UST: variants seen among roughly 807,000 people sequenced by gnomAD.
The protein encoded by UST is uronyl 2-sulfotransferase.
UST carries 21 observed loss-of-function variants against 45.6 expected under a neutral mutation model. The ratio of observed to expected loss-of-function variants is 0.46; its 90% CI spans 0.33 to 0.66. The LOEUF is 0.66. Among genes scored for constraint, UST ranks in the 30% least tolerant of loss-of-function variants. The pLI is 0.02. For missense variants in UST, 463 were observed against 512.4 expected (o/e 0.90, Z 0.93); for synonymous variants, 215 against 200.6 (o/e 1.07, Z -0.61).
chr6:148,811,373 C>T (rs987738810), intron 1 of UST, among the ~76,000 whole-genome samples: 1 of 152,204 alleles, frequency 6.6e-6, no homozygotes, highest in Non-Finnish European at 1.5e-5. Flanking sequence ...CTTCTCTGCA[C>T]ACCACAGCAA....
At chr6:148,857,315 C>T (rs1438309137) in intron 1 of UST, among the ~76,000 whole-genome samples, 2 of 152,126 alleles carry the variant, frequency 1.3e-5, no homozygotes, top group Non-Finnish European at 2.9e-5. Context: ...CATGACTATA[C>T]GGTTTCCCAC....
intron 5 of UST, among the ~76,000 whole-genome samples, chr6:148,980,654 A>G (rs1456694949): frequency 6.6e-6 from 1 of 152,066 alleles, no homozygotes; most frequent in African/African-American, 2.4e-5. Context: ...ATCTTTCAGA[A>G]AAAGCTCATC....
intron 1 of UST, among the ~76,000 whole-genome samples, chr6:148,774,693 T>A (rs1776497029): frequency 6.6e-6 from 1 of 152,208 alleles, no homozygotes; most frequent in African/African-American, 2.4e-5. Flanking sequence ...CTTTTCAGCA[T>A]TTTTTAGAGG....
chr6:148,927,444 G>T (rs575664072), intron 2 of UST, among the ~76,000 whole-genome samples: 159 of 152,232 alleles, frequency 1.0e-3, no homozygotes, highest in Middle Eastern at 3.4e-3. Context: ...TTTTCCATGA[G>T]AAGAAAAAAT....
intron 1 of UST, among the ~76,000 whole-genome samples, chr6:148,785,926 T>C (rs1292277628): frequency 6.6e-6 from 1 of 152,210 alleles, no homozygotes; most frequent in Non-Finnish European, 1.5e-5. Flanking sequence ...AGAAGTAGAA[T>C]TATAGAATTT....
At chr6:148,951,910 A>T (rs190859791) in intron 3 of UST, among the ~76,000 whole-genome samples, 35 of 152,350 alleles carry the variant, frequency 2.3e-4, no homozygotes, top group Admixed American at 7.2e-4. Flanking sequence ...CTGTTCTCAA[A>T]ATCTAACTAC....
chr6:148,751,421 T>C (rs972774175), intron 1 of UST, among the ~76,000 whole-genome samples: 1 of 152,070 alleles, frequency 6.6e-6, no homozygotes, highest in Non-Finnish European at 1.5e-5. Context: ...CCGGAAAGCA[T>C]AGTGTGGGGA....
chr6:148,917,602 G>A (rs1313232206), intron 2 of UST, among the ~76,000 whole-genome samples: 4 of 152,196 alleles, frequency 2.6e-5, no homozygotes, highest in African/African-American at 9.7e-5. Flanking sequence ...GTGACTCTAA[G>A]TTACAGGCCA....
intron 7 of UST, among the ~76,000 whole-genome samples, chr6:149,042,693 C>T (rs1250532476): frequency 6.6e-6 from 1 of 152,230 alleles, no homozygotes; most frequent in Non-Finnish European, 1.5e-5. Flanking sequence ...ACAAACTATG[C>T]CGTTCCTACA....
chr6:149,051,224 C>T (rs548602914), intron 7 of UST, among the ~76,000 whole-genome samples: 22 of 152,296 alleles, frequency 1.4e-4, no homozygotes, highest in Non-Finnish European at 2.6e-4. Flanking sequence ...ATAGTCATTG[C>T]GATCTCAATT....
At chr6:148,824,911 T>C (rs536296939) in intron 1 of UST, among the ~76,000 whole-genome samples, 5 of 139,194 alleles carry the variant, frequency 3.6e-5, no homozygotes, top group Admixed American at 7.4e-5. Context: ...TTCCCACCTA[T>C]GAGTGAGAAT....
intron 1 of UST, among the ~76,000 whole-genome samples, chr6:148,752,995 C>T (rs1460126609): frequency 6.6e-6 from 1 of 152,014 alleles, no homozygotes; most frequent in Non-Finnish European, 1.5e-5. Context: ...TACATAAATC[C>T]CTTTTTATCA....
At chr6:148,983,139 G>A (rs1283849756) in intron 5 of UST, among the ~76,000 whole-genome samples, 6 of 152,090 alleles carry the variant, frequency 3.9e-5, no homozygotes, top group South Asian at 2.1e-4. Context: ...AGGGCTTTTC[G>A]CTTTAAAAAA....
rs562911706 is a variant in UST at position 148,777,280 on chromosome 6, A to T, written c.247+29603A>T. Among the ~76,000 whole-genome samples, 4 of 152,346 alleles carry T rather than the reference A, an allele frequency of 2.6e-5. No individual in the cohort carries two copies. The East Asian group carries it at 5.8e-4, about 22-fold the overall frequency. On this transcript the variant is annotated intron_variant, in intron 1 of 7. Transcript: ENST00000367463. ...TTTTCAGTTGTGTTCTACATAAGCA[A>T]GCCTGATGGATGACTCTGAATAAGT...
rs182464392 is a variant in UST, at chr6:148,871,162, C to T, written c.248-15824C>T. 2.1e-4 allele frequency among the ~76,000 whole-genome samples: 32 copies of T among 151,706 alleles called. No homozygotes were observed. The East Asian group carries it at 4.3e-3, about 20-fold the overall frequency. On this transcript the variant is annotated intron_variant, in intron 1 of 7. Coordinates refer to ENST00000367463, the MANE Select transcript of UST (RefSeq NM_005715.3). The stretch of plus-strand genomic sequence containing the variant: ...TCTCTCTCTCCCTCTCTCCCTCTCT[C>T]TCTCTGTCCTTCTCTCTCTCTGTCC...
intron 1 of UST, among the ~76,000 whole-genome samples, chr6:148,817,266 G>A (rs1437287633): frequency 2.6e-5 from 4 of 152,216 alleles, no homozygotes; most frequent in Non-Finnish European, 5.9e-5. Context: ...GCCAAATCTA[G>A]CCCTTCTTTT....
intron 1 of UST, among the ~76,000 whole-genome samples, chr6:148,871,728 A>G (rs138185156): frequency 4.6e-5 from 7 of 152,316 alleles, no homozygotes; most frequent in African/African-American, 1.4e-4. Flanking sequence ...AGTTCTCTCA[A>G]TGAGGATATA....
intron 7 of UST, among the ~76,000 whole-genome samples, chr6:149,049,927 T>TCACACACA (rs1393383569): frequency 6.9e-5 from 9 of 130,618 alleles, no homozygotes; most frequent in African/African-American, 2.8e-4. Context: ...TCTCTCTCTC[T>TCACACACA]CTCTCACACA....
At chr6:148,822,149 C>A (rs368489546) in intron 1 of UST, among the ~76,000 whole-genome samples, 2 of 152,140 alleles carry the variant, frequency 1.3e-5, no homozygotes, top group African/African-American at 4.8e-5. Flanking sequence ...AAGGTTGCTG[C>A]TTCTAGGGAA....
Sources: allele counts gnomAD v4.1 joint callset (sites outside exome capture counted in the v4.1 genomes callset), GRCh38; gene constraint gnomAD v4.1.1; transcripts MANE v1.5; gene names NCBI Gene and HGNC (gene_info 2026-07-23, HGNC 2026-07-21).